Variants in DLG2 observed in about 807,000 individuals in gnomAD.
DLG2 encodes the protein disks large homolog 2.
A neutral mutation model predicts 132.5 loss-of-function variants in DLG2; 45 were observed. The ratio of observed to expected loss-of-function variants is 0.34; its 90% CI spans 0.27 to 0.44. The LOEUF is 0.44. Ranked by LOEUF, DLG2 falls within the 20% of genes least tolerant of loss-of-function variation. The probability of loss-of-function intolerance (pLI) is 1.00; values close to 1 mark genes in which losing one functional copy is unlikely to be tolerated. For missense variants in DLG2, 1,045 were observed against 1,196.9 expected, an observed-to-expected ratio of 0.87 and a Z score of 1.87; for synonymous variants, 424 against 419.6, an observed-to-expected ratio of 1.01 and a Z score of -0.13.
chr11:84,486,352 C>T (rs999750125), intron 7 of DLG2, among the ~76,000 whole-genome samples: 1 of 152,092 alleles, frequency 6.6e-6, no homozygotes, highest in Non-Finnish European at 1.5e-5. Flanking sequence ...TTTGGTTAGA[C>T]TTGGTTGGAA....
chr11:84,488,147 T>C (rs1353992876), intron 7 of DLG2, among the ~76,000 whole-genome samples: 5 of 151,970 alleles, frequency 3.3e-5, no homozygotes, highest in Admixed American at 2.6e-4. Context: ...CAAAGGAAAC[T>C]CAAATTGGGA....
At chr11:85,041,987 C>T (rs1479236316) in intron 6 of DLG2, among the ~76,000 whole-genome samples, 2 of 151,776 alleles carry the variant, frequency 1.3e-5, no homozygotes, top group East Asian at 3.9e-4. Flanking sequence ...ACAACGTACA[C>T]TATTCCAGTG....
chr11:85,304,925 T>C (rs553785163), intron 3 of DLG2, among the ~76,000 whole-genome samples: 1 of 152,340 alleles, frequency 6.6e-6, no homozygotes, highest in Admixed American at 6.5e-5. Flanking sequence ...ATTGTCTGTC[T>C]TCTCCCTATT....
At chr11:83,852,221 G>C (rs909763710) in intron 16 of DLG2, among the ~76,000 whole-genome samples, 1 of 152,170 alleles carries the variant, frequency 6.6e-6, no homozygotes, top group Non-Finnish European at 1.5e-5. Context: ...AAGCTAATAC[G>C]TTCTGGTAGG....
At chr11:85,466,388 G>T (rs2092791588) in intron 3 of DLG2, among the ~76,000 whole-genome samples, 1 of 152,174 alleles carries the variant, frequency 6.6e-6, no homozygotes, top group South Asian at 2.1e-4. Flanking sequence ...CCTTGCCCAT[G>T]CCTATGTCCT....
chr11:84,129,242 G>C (rs989294860), intron 9 of DLG2, among the ~76,000 whole-genome samples: 1 of 152,078 alleles, frequency 6.6e-6, no homozygotes, highest in Non-Finnish European at 1.5e-5. Context: ...TTACAGACTA[G>C]ATGGCATATG....
At chr11:83,461,008 T>G (rs1233882463) in intron 27 of DLG2, among the ~76,000 whole-genome samples, 2 of 78,374 alleles carry the variant, frequency 2.6e-5, no homozygotes, top group South Asian at 4.1e-4. Flanking sequence ...GGTTTTTTTT[T>G]TTTTTTTTTT....
intron 9 of DLG2, among the ~76,000 whole-genome samples, chr11:84,109,811 G>T (rs759975343): frequency 2.0e-5 from 3 of 152,122 alleles, no homozygotes; most frequent in Non-Finnish European, 4.4e-5. Flanking sequence ...AGACTGGTTT[G>T]TGTATTGAAA....
intron 3 of DLG2, among the ~76,000 whole-genome samples, chr11:85,595,909 T>C (rs2079720839): frequency 6.6e-6 from 1 of 152,204 alleles, no homozygotes; most frequent in Non-Finnish European, 1.5e-5. Context: ...CTAGTATTTT[T>C]TTAAGCATAT....
At chr11:85,233,095 G>C (rs187379725) in intron 4 of DLG2, among the ~76,000 whole-genome samples, 1 of 151,364 alleles carries the variant, frequency 6.6e-6, no homozygotes. Context: ...ATTTCATGTG[G>C]TTTTTTTTCC....
At chr11:85,459,713 T>C (rs998268340) in intron 3 of DLG2, among the ~76,000 whole-genome samples, 1 of 152,062 alleles carries the variant, frequency 6.6e-6, no homozygotes, top group Non-Finnish European at 1.5e-5. Context: ...CCAAGAGTGG[T>C]TAGGGTGATA....
At chr11:84,058,743 T>C (rs1275002538) in intron 11 of DLG2, among the ~76,000 whole-genome samples, 1 of 151,356 alleles carries the variant, frequency 6.6e-6, no homozygotes, top group African/African-American at 2.4e-5. Context: ...TGGTAATTCA[T>C]CTGTTTCTGC....
intron 6 of DLG2, among the ~76,000 whole-genome samples, chr11:84,686,228 C>T (rs934796933): frequency 1.3e-5 from 2 of 152,212 alleles, no homozygotes; most frequent in Non-Finnish European, 2.9e-5. Context: ...CCTGAGAGTG[C>T]AGTTCTCCAT....
chr11:85,437,651 T>C (rs2091561893), intron 3 of DLG2, among the ~76,000 whole-genome samples: 1 of 152,190 alleles, frequency 6.6e-6, no homozygotes, highest in Admixed American at 6.5e-5. Context: ...TACATAAGGC[T>C]TAACAGCACA....
intron 6 of DLG2, among the ~76,000 whole-genome samples, chr11:84,537,264 G>A (rs1208494660): frequency 2.6e-5 from 4 of 151,830 alleles, no homozygotes; most frequent in African/African-American, 7.3e-5. Context: ...GCACCACCAC[G>A]CCTGGCTATT....
intron 5 of DLG2, among the ~76,000 whole-genome samples, chr11:85,144,333 C>A (rs1025700629): frequency 7.0e-6 from 1 of 142,848 alleles, no homozygotes; most frequent in Admixed American, 7.1e-5. Flanking sequence ...GTTTTGTAGG[C>A]AGCATATAAT....
intron 6 of DLG2, among the ~76,000 whole-genome samples, chr11:84,725,527 A>T (rs1429177141): frequency 6.6e-6 from 1 of 152,150 alleles, no homozygotes. Flanking sequence ...AGAGAGGGAT[A>T]TGAATGTCTT....
chr11:83,881,005 A>G (rs1395001450), intron 15 of DLG2, among the ~76,000 whole-genome samples: 1 of 151,228 alleles, frequency 6.6e-6, no homozygotes, highest in Non-Finnish European at 1.5e-5. Flanking sequence ...TCTGATATCT[A>G]TTAAGTTGGT....
At chr11:83,988,413 A>C (rs749184228) in intron 11 of DLG2, among the ~76,000 whole-genome samples, 1 of 152,074 alleles carries the variant, frequency 6.6e-6, no homozygotes, top group Non-Finnish European at 1.5e-5. Flanking sequence ...TGGTTCCATA[A>C]GAATTTTAAA....
Sources: gnomAD v4.1 joint callset for allele counts (sites outside exome capture counted in the v4.1 genomes callset) on GRCh38, gnomAD v4.1.1 for gene constraint, MANE v1.5 for transcripts, NCBI Gene and HGNC (gene_info 2026-07-23, HGNC 2026-07-21) for gene names.